Variants in RESF1 observed in about 807,000 individuals in gnomAD.
The protein encoded by RESF1 is retroelement silencing factor 1.
Under a neutral mutation model 134.7 loss-of-function variants are expected in RESF1, and 65 were observed. That is an observed-to-expected ratio of 0.48 (90% CI 0.40 to 0.59). RESF1 has a LOEUF of 0.59. RESF1 is among the 20% of genes least tolerant of loss of function. The pLI is 0.00. For synonymous variants in RESF1, 762 were observed against 702.2 expected, an observed-to-expected ratio of 1.09 and a Z score of -1.35; for missense variants, 2,274 against 2,002.7, an observed-to-expected ratio of 1.14 and a Z score of -2.59.
chr12:31,984,035 C>T lies in RESF1; in HGVS notation c.3080C>T (p.Ala1027Val), dbSNP rs976964357. The change falls in exon 4 of 6, where the codon GCA (alanine) becomes GTA (valine). Residue 1027 changes from alanine to valine, a missense_variant. Transcript: ENST00000312561. ...QEDIYPQEID[A>V]SSNYTPQDPA... ...GATATTTACCCTCAGGAAATAGATG[C>T]ATCCAGCAACTATACTCCCCAAGAT... is the stretch of plus-strand genomic sequence containing the variant. The T allele has an allele frequency of 3.7e-6, 6 of 1,613,956 alleles. No homozygotes were observed. The highest frequency in any genetic ancestry group is 4.5e-5 in the East Asian group (2 of 44,882).
chr12:31,990,565 G>A (rs1000771034), intron 5 of RESF1, among the ~76,000 whole-genome samples: 6 of 151,880 alleles, frequency 4.0e-5, no homozygotes, highest in East Asian at 1.9e-4. Flanking sequence ...CTCCTGCCTC[G>A]GCCTCAGCCT....
At chr12:31,962,215 C>CTT (rs144431830) in intron 2 of RESF1, among the ~76,000 whole-genome samples, 1 of 124,624 alleles carries the variant, frequency 8.0e-6, no homozygotes, top group African/African-American at 3.2e-5. Context: ...AAGATTCTGT[C>CTT]TTTTTAAAAA....
rs1230533001 is a variant in RESF1 at position 31,983,069 on chromosome 12, T to C, written c.2114T>C (p.Ile705Thr). 1 of 1,613,762 alleles carries C rather than the reference T, an allele frequency of 6.2e-7. No individual in the cohort carries two copies. Among genetic ancestry groups the C allele is most frequent in the Non-Finnish European group, 8.5e-7 (1 of 1,179,974 alleles). ...KLRTNTTAVG[I>T]SKPANIHVKS... is the part of the protein sequence containing the mutation. ...AGAACAAACACAACAGCAGTTGGAATTTCAAAGCCTGCTAACATCCACGTT... is the reference window on the plus strand; with the variant it reads ...AGAACAAACACAACAGCAGTTGGAACTTCAAAGCCTGCTAACATCCACGTT... The change falls in exon 4 of 6, where the codon ATT (isoleucine) becomes ACT (threonine). Residue 705 changes from isoleucine (I) to threonine (T), a missense_variant. Coordinates refer to ENST00000312561, the MANE Select transcript of RESF1 (RefSeq NM_018169.4).
Position 31,973,494 on chromosome 12 carries a change from TCTGCCACTCTA to T in RESF1, c.-79+3146_-79+3156del, listed in dbSNP as rs563989846. On this transcript the variant is annotated intron_variant, in intron 3 of 5. Transcript: ENST00000312561. Reference sequence around the variant, plus strand: ...GGCTACACTTGGAGTTTCTTCTGCATCTGCCACTCTACTGCCACCCTAAGTCGTAATCCCTA... The same window carrying T: ...GGCTACACTTGGAGTTTCTTCTGCATCTGCCACCCTAAGTCGTAATCCCTA... Among the ~76,000 whole-genome samples, 1,022 of 152,254 alleles carry T rather than the reference TCTGCCACTCTA, an allele frequency of 6.7e-3. 7 individuals carry two copies. Among genetic ancestry groups the T allele is most frequent in the South Asian group, 0.013 (65 of 4,830 alleles).
chr12:31,984,990 T>C lies in RESF1; in HGVS notation c.4035T>C (p.Asp1345=), dbSNP rs777504530. The part of the protein sequence containing the change: ...KTKTAFLPNK[D]VYKKHSSLGQ... ...AAACAGCTTTTTTGCCAAATAAAGATGTGTATAAGAAGCATAGTTCTTTGG... is the reference window on the plus strand; with the variant it reads ...AAACAGCTTTTTTGCCAAATAAAGACGTGTATAAGAAGCATAGTTCTTTGG... The change falls in exon 4 of 6, where the codon GAT becomes GAC. Residue 1345 remains aspartate, a synonymous_variant. Coordinates refer to ENST00000312561, the MANE Select transcript of RESF1 (RefSeq NM_018169.4). 16 of 1,612,284 alleles carry C rather than the reference T, an allele frequency of 9.9e-6. No homozygotes were observed. The Admixed American group carries it at 2.7e-4, about 27-fold the overall frequency.
intron 3 of RESF1, among the ~76,000 whole-genome samples, chr12:31,971,164 C>T (rs752774846): frequency 3.3e-5 from 5 of 152,014 alleles, no homozygotes; most frequent in African/African-American, 7.2e-5. Context: ...TTTTTTGAGA[C>T]GGAGTTTCAC....
intron 3 of RESF1, among the ~76,000 whole-genome samples, chr12:31,978,161 A>G (rs1355832594): frequency 6.6e-6 from 1 of 152,104 alleles, no homozygotes; most frequent in Non-Finnish European, 1.5e-5. Flanking sequence ...AACATGGCAT[A>G]TCTTTACACT....
At chr12:31,960,508 C>G (rs1219651994) in intron 1 of RESF1, among the ~76,000 whole-genome samples, 2 of 152,108 alleles carry the variant, frequency 1.3e-5, no homozygotes, top group Admixed American at 6.5e-5. Flanking sequence ...CCAATAAAGA[C>G]AAGTGCAGAG....
intron 5 of RESF1, among the ~76,000 whole-genome samples, chr12:31,989,487 A>G (rs931520930): frequency 5.3e-5 from 8 of 152,000 alleles, no homozygotes; most frequent in Non-Finnish European, 1.0e-4. Flanking sequence ...AATAAGAAGC[A>G]CATTTTATAA....
At chr12:31,968,105 C>T (rs992922987) in intron 2 of RESF1, among the ~76,000 whole-genome samples, 1 of 152,048 alleles carries the variant, frequency 6.6e-6, no homozygotes, top group African/African-American at 2.4e-5. Flanking sequence ...TCTAATTTTT[C>T]GAATGCTTAT....
chr12:31,966,090 C>T (rs866849408), intron 2 of RESF1, among the ~76,000 whole-genome samples: 157 of 152,096 alleles, frequency 1.0e-3, no homozygotes, highest in African/African-American at 3.5e-3. Context: ...CCCTAGGCCA[C>T]TTTGGAAGAA....
rs1340629810 is a variant in RESF1 at position 31,981,893 on chromosome 12, C to T, written c.938C>T (p.Ser313Leu). The change falls in exon 4 of 6, where the codon TCA becomes TTA. Residue 313 changes from serine (S) to leucine (L), a missense_variant. Physicochemically the swap from Ser to Leu is moderately radical, Grantham distance 145. Coordinates refer to ENST00000312561, the MANE Select transcript of RESF1 (RefSeq NM_018169.4). ...GTTCCTCAGAGTCGAGAAATGCTGT[C>T]ATCTGAAATAAGGACCAGCTTTCAA... ...MEVPQSREML[S>L]SEIRTSFQQQ... 6.2e-7 allele frequency: 1 copy of T among 1,614,108 alleles called. No individual in the cohort carries two copies. Among genetic ancestry groups the T allele is most frequent in the South Asian group, 1.1e-5 (1 of 91,080 alleles).
At chr12:31,980,713 T>C (rs543922011) in intron 3 of RESF1, among the ~76,000 whole-genome samples, 165 bp from the exon 4 acceptor site, 1 of 152,354 alleles carries the variant, frequency 6.6e-6, no homozygotes, top group Non-Finnish European at 1.5e-5. Context: ...TCATTGACAC[T>C]TGCCTTATTT....
In RESF1 at chr12:31,991,685, G is replaced by T. The variant is rs962973706; in HGVS notation, c.5087-693G>T. On this transcript the variant is annotated intron_variant, in intron 5 of 5. Coordinates refer to ENST00000312561, the MANE Select transcript of RESF1 (RefSeq NM_018169.4). Reference sequence around the variant, plus strand: ...CACCCAGGCTGGAGTGCAGTCGTGTGATATCGGCTCACTGCAACCTCTGCC... The same window carrying T: ...CACCCAGGCTGGAGTGCAGTCGTGTTATATCGGCTCACTGCAACCTCTGCC... Among the ~76,000 whole-genome samples, 3 of 152,200 alleles carry T rather than the reference G, an allele frequency of 2.0e-5. No individual in the cohort carries two copies. In the South Asian group the frequency reaches 6.2e-4, roughly 32 times the overall value.
In RESF1 at chr12:31,982,068, A is replaced by G. The variant is rs1939811253; in HGVS notation, c.1113A>G (p.Lys371=). ...VQTLAQTNEE[K]IMDSCNPTSN... is the part of the protein sequence containing the mutation. ...CTCTTGCTCAAACTAATGAAGAGAAAATAATGGATTCTTGCAATCCAACTT... is the reference window on the plus strand; with the variant it reads ...CTCTTGCTCAAACTAATGAAGAGAAGATAATGGATTCTTGCAATCCAACTT... The change falls in exon 4 of 6, where the codon AAA becomes AAG. Residue 371 remains lysine, a synonymous_variant. Coordinates refer to ENST00000312561, the MANE Select transcript of RESF1 (RefSeq NM_018169.4). 1 of 1,614,192 alleles carries G rather than the reference A, an allele frequency of 6.2e-7. No homozygotes were observed. The highest frequency in any genetic ancestry group is 1.1e-5 in the South Asian group (1 of 91,064).
Position 31,984,992 on chromosome 12 carries a change from T to G in RESF1, c.4037T>G (p.Val1346Gly), listed in dbSNP as rs142857702. The change falls in exon 4 of 6, where the codon GTG becomes GGG. Residue 1346 changes from valine to glycine, a missense_variant. Val to Gly is a moderately radical substitution (Grantham distance 109). Transcript: ENST00000312561. ...TKTAFLPNKD[V>G]YKKHSSLGQS... is the part of the protein sequence containing the mutation. ...ACAGCTTTTTTGCCAAATAAAGATGTGTATAAGAAGCATAGTTCTTTGGGA... is the reference window on the plus strand; with the variant it reads ...ACAGCTTTTTTGCCAAATAAAGATGGGTATAAGAAGCATAGTTCTTTGGGA... 12 of 1,611,152 alleles carry G rather than the reference T, an allele frequency of 7.4e-6. No homozygotes were observed. In the African/African-American group the frequency reaches 1.5e-4, roughly 20 times the overall value.
intron 5 of RESF1, among the ~76,000 whole-genome samples, chr12:31,989,936 A>T (rs905091912): frequency 6.6e-6 from 1 of 152,198 alleles, no homozygotes; most frequent in Non-Finnish European, 1.5e-5. Flanking sequence ...AGAACAGGAC[A>T]AATAACCTAA....
chr12:31,969,928 A>T (rs185765045), intron 2 of RESF1, among the ~76,000 whole-genome samples: 10 of 152,078 alleles, frequency 6.6e-5, no homozygotes, highest in African/African-American at 2.4e-4. Flanking sequence ...ATTCATGTGT[A>T]TGTGTGCTTG....
Position 31,983,059 on chromosome 12 carries a change from G to A in RESF1, c.2104G>A (p.Ala702Thr), listed in dbSNP as rs780925050. The A allele has an allele frequency of 1.3e-5, 21 of 1,613,698 alleles. No homozygotes were observed. Among genetic ancestry groups the A allele is most frequent in the Non-Finnish European group, 1.1e-5 (13 of 1,179,982 alleles). ...TGATAAACTCAGAACAAACACAACA[G>A]CAGTTGGAATTTCAAAGCCTGCTAA... is the stretch of plus-strand genomic sequence containing the variant. ...ECDKLRTNTT[A>T]VGISKPANIH... The change falls in exon 4 of 6, where the codon GCA becomes ACA. Residue 702 changes from alanine to threonine, a missense_variant. Ala to Thr is a moderately conservative substitution (Grantham distance 58). Coordinates refer to ENST00000312561, the MANE Select transcript of RESF1 (RefSeq NM_018169.4).
Sources: gnomAD v4.1 joint callset for allele counts (sites outside exome capture counted in the v4.1 genomes callset) on GRCh38, gnomAD v4.1.1 for gene constraint, MANE v1.5 for transcripts, NCBI Gene and HGNC (gene_info 2026-07-23, HGNC 2026-07-21) for gene names.